IGF1R: variants seen among roughly 807,000 people sequenced by gnomAD.
IGF1R encodes insulin-like growth factor 1 receptor.
A neutral mutation model predicts 144.6 loss-of-function variants in IGF1R; 44 were observed. The ratio of observed to expected loss-of-function variants is 0.30; its 90% CI spans 0.24 to 0.39. The LOEUF (loss-of-function observed/expected upper bound fraction) is 0.39. Ranked by LOEUF, IGF1R falls within the 10% of genes least tolerant of loss-of-function variation. The probability of loss-of-function intolerance (pLI) is 1.00; values close to 1 mark genes in which losing one functional copy is unlikely to be tolerated. For missense variants in IGF1R, 1,355 were observed against 1,833.7 expected (o/e 0.74, Z 4.77); for synonymous variants, 795 against 722.8 (o/e 1.10, Z -1.60).
At chr15:98,942,899 T>A in intron 18 of IGF1R, 24 bp from the exon 19 acceptor site, 2 of 1,613,972 alleles carry the variant, frequency 1.2e-6, no homozygotes, top group Non-Finnish European at 1.7e-6. Flanking sequence ...AGCGTGTGAC[T>A]CTGCGCCCTC....
chr15:98,895,116 G>A (rs1652010703), intron 3 of IGF1R, among the ~76,000 whole-genome samples: 1 of 152,036 alleles, frequency 6.6e-6, no homozygotes, highest in African/African-American at 2.4e-5. Context: ...AGGGCAGTGA[G>A]TATGAACAGG....
chr15:98,869,766 A>G (rs2012682186), intron 2 of IGF1R, among the ~76,000 whole-genome samples: 1 of 152,184 alleles, frequency 6.6e-6, no homozygotes, highest in African/African-American at 2.4e-5. Context: ...AGAAGAAGAG[A>G]CATCTTAAAG....
At chr15:98,871,696 T>C (rs1160721439) in intron 2 of IGF1R, among the ~76,000 whole-genome samples, 1 of 152,164 alleles carries the variant, frequency 6.6e-6, no homozygotes, top group Non-Finnish European at 1.5e-5. Context: ...CAGGGAAACT[T>C]CCATTTTAAA....
chr15:98,928,487 T>C (rs930938480), intron 13 of IGF1R, among the ~76,000 whole-genome samples: 6 of 152,218 alleles, frequency 3.9e-5, no homozygotes, highest in African/African-American at 1.2e-4. Flanking sequence ...GCTGACTCCT[T>C]TTAATCTGCA....
In IGF1R at chr15:98,964,203, TAAAAAAAAATTTTTTTAAGTAAG is replaced by T. The variant is rs2017336999; in HGVS notation, c.*6771_*6793del. ...TAATGCATTTTCTGAGTTTTCTTGT[TAAAAAAAAATTTTTTTAAGTAAG>T]AAAAAAAAAGGTAATAACATGGCCA... On this transcript the variant is annotated 3_prime_UTR_variant, in exon 21 of 21. Coordinates refer to ENST00000650285, the MANE Select transcript of IGF1R (RefSeq NM_000875.5). The T allele has an allele frequency of 8.6e-6, 2 of 231,498 alleles. No homozygotes were observed. Among genetic ancestry groups the T allele is most frequent in the South Asian group, 3.6e-4 (2 of 5,486 alleles). The allele number at this position is 231,498 out of a possible 1,614,324, so 14.3% of individuals were successfully genotyped here.
At position 98,899,568 on chromosome 15, in the gene IGF1R, C is replaced by T. The variant is rs35315829; in HGVS notation, c.1194C>T (p.Ser398=). Reference sequence around the variant, plus strand: ...TCCGCCATTCTCATGCCTTGGTCTCCTTGTCCTTCCTAAAAAACCTTCGCC... The same window carrying T: ...TCCGCCATTCTCATGCCTTGGTCTCTTTGTCCTTCCTAAAAAACCTTCGCC... ...VKIRHSHALV[S]LSFLKNLRLI... Residue 398 remains serine, a synonymous_variant, in exon 5 of 21, where the codon TCC becomes TCT. Coordinates refer to ENST00000650285, the MANE Select transcript of IGF1R (RefSeq NM_000875.5). 8.0e-4 allele frequency: 1,292 copies of T among 1,614,178 alleles called. 2 individuals are homozygous for T. Among genetic ancestry groups the T allele is most frequent in the Non-Finnish European group, 9.8e-4 (1,162 of 1,180,030 alleles).
intron 2 of IGF1R, among the ~76,000 whole-genome samples, chr15:98,746,321 G>T (rs1326271251): frequency 6.6e-6 from 1 of 152,166 alleles, no homozygotes; most frequent in Non-Finnish European, 1.5e-5. Context: ...GTCTGTGCTT[G>T]CATTATGTAT....
intron 2 of IGF1R, among the ~76,000 whole-genome samples, chr15:98,878,693 A>AAC (rs2013201103): frequency 5.5e-5 from 7 of 126,170 alleles, no homozygotes; most frequent in Admixed American, 2.4e-4. Flanking sequence ...AAAAAAAAAA[A>AAC]AACAACAACA....
At chr15:98,819,200 G>C (rs1280821648) in intron 2 of IGF1R, among the ~76,000 whole-genome samples, 1 of 152,102 alleles carries the variant, frequency 6.6e-6, no homozygotes, top group Non-Finnish European at 1.5e-5. Context: ...GAAACATTTG[G>C]CACTCATCTA....
chr15:98,716,124 A>T (rs1017948575), intron 2 of IGF1R, among the ~76,000 whole-genome samples: 3 of 152,060 alleles, frequency 2.0e-5, no homozygotes, highest in African/African-American at 7.3e-5. Context: ...TTTCCTAGGG[A>T]CGGTTGCCAC....
At chr15:98,666,102 A>G (rs1463149478) in intron 1 of IGF1R, among the ~76,000 whole-genome samples, 1 of 152,222 alleles carries the variant, frequency 6.6e-6, no homozygotes, top group South Asian at 2.1e-4. Flanking sequence ...ACTTGAGGCA[A>G]ATAGGCACAT....
chr15:98,937,586 C>A (rs1041817819), intron 17 of IGF1R, among the ~76,000 whole-genome samples: 1 of 152,196 alleles, frequency 6.6e-6, no homozygotes. Context: ...TTATATTCAA[C>A]CTGCTCCCCC....
In IGF1R at chr15:98,711,723, C is replaced by G. The variant is rs528668692; in HGVS notation, c.640+3616C>G. On this transcript the variant is annotated intron_variant, in intron 2 of 20. Transcript: ENST00000650285. ...TCCTACCCCCACAGGTGCCGCTTCT[C>G]TGTCTCCCTTCCCTCAGTCTGGCTT... 8.5e-5 allele frequency among the ~76,000 whole-genome samples: 13 copies of G among 152,326 alleles called. No homozygotes were observed. In the East Asian group the frequency reaches 2.5e-3, roughly 29 times the overall value.
At chr15:98,739,493 G>A (rs1290159198) in intron 2 of IGF1R, among the ~76,000 whole-genome samples, 1 of 152,056 alleles carries the variant, frequency 6.6e-6, no homozygotes, top group Non-Finnish European at 1.5e-5. Context: ...AATCAAAAAC[G>A]ATTCTTGGTG....
intron 2 of IGF1R, among the ~76,000 whole-genome samples, chr15:98,817,337 TAATAGTA>T (rs2056716125): frequency 1.4e-5 from 2 of 146,638 alleles, no homozygotes; most frequent in Non-Finnish European, 3.0e-5. Flanking sequence ...ATAATAATAA[TAATAGTA>T]AGAATACTGG....
intron 6 of IGF1R, 99 bp from the exon 7 acceptor site, chr15:98,911,216 C>G: frequency 7.1e-7 from 1 of 1,408,276 alleles, no homozygotes; most frequent in Non-Finnish European, 1.0e-6. Flanking sequence ...TTAGCATATA[C>G]AGCCAGCTTT....
intron 2 of IGF1R, among the ~76,000 whole-genome samples, chr15:98,833,697 A>G (rs1374912881): frequency 6.6e-6 from 1 of 152,256 alleles, no homozygotes; most frequent in African/African-American, 2.4e-5. Context: ...CTTATATCAC[A>G]TAAATCATTC....
chr15:98,799,045 T>G (rs1374334138), intron 2 of IGF1R, among the ~76,000 whole-genome samples: 1 of 152,138 alleles, frequency 6.6e-6, no homozygotes. Context: ...TCAGTTTTCT[T>G]TAGGGAAGGT....
intron 2 of IGF1R, among the ~76,000 whole-genome samples, chr15:98,821,292 C>G (rs527620710): frequency 2.7e-4 from 41 of 151,374 alleles, no homozygotes; most frequent in South Asian, 8.5e-4. Context: ...CTCCCCCCCC[C>G]CTTTTTAAAC....
Sources: gnomAD v4.1 joint callset for allele counts (sites outside exome capture counted in the v4.1 genomes callset) on GRCh38, gnomAD v4.1.1 for gene constraint, MANE v1.5 for transcripts, NCBI Gene and HGNC (gene_info 2026-07-23, HGNC 2026-07-21) for gene names.